SPATA17: variants seen among roughly 807,000 people sequenced by gnomAD.
SPATA17 encodes spermatogenesis associated 17.
SPATA17 carries 53 observed loss-of-function variants against 62.2 expected under a neutral mutation model. The ratio of observed to expected loss-of-function variants is 0.85; its 90% CI spans 0.68 to 1.07. SPATA17 has a LOEUF of 1.07. Among genes scored for constraint, SPATA17 ranks in the 50% least tolerant of loss-of-function variants. The pLI is 0.00. For missense variants in SPATA17, 466 were observed against 425.5 expected, an observed-to-expected ratio of 1.10 and a Z score of -0.84; for synonymous variants, 146 against 146.8, an observed-to-expected ratio of 0.99 and a Z score of 0.04.
intron 5 of SPATA17, among the ~76,000 whole-genome samples, chr1:217,687,418 T>C (rs1346949988): frequency 6.6e-6 from 1 of 152,168 alleles, no homozygotes; most frequent in Non-Finnish European, 1.5e-5. Flanking sequence ...TTATTTAGTT[T>C]TTCACCTTTT....
chr1:217,837,548 A>T (rs1449650836), intron 9 of SPATA17, among the ~76,000 whole-genome samples: 1 of 152,014 alleles, frequency 6.6e-6, no homozygotes, highest in Non-Finnish European at 1.5e-5. Context: ...TGAATTTTGC[A>T]CTCTGATGAA....
intron 1 of SPATA17, among the ~76,000 whole-genome samples, chr1:217,646,449 G>T (rs1670183289): frequency 6.6e-6 from 1 of 152,100 alleles, no homozygotes; most frequent in Non-Finnish European, 1.5e-5. Flanking sequence ...TAGGGAGATT[G>T]GTGCTACCTT....
intron 5 of SPATA17, among the ~76,000 whole-genome samples, chr1:217,698,435 C>G (rs534555187): frequency 6.6e-6 from 1 of 151,654 alleles, no homozygotes; most frequent in Admixed American, 6.6e-5. Context: ...CTCCATCCCC[C>G]TCCCACCAAA....
intron 3 of SPATA17, among the ~76,000 whole-genome samples, chr1:217,666,006 C>A (rs1045049396): frequency 1.3e-5 from 2 of 152,168 alleles, no homozygotes; most frequent in African/African-American, 2.4e-5. Flanking sequence ...CTTTTCTGTT[C>A]TTTTCCCCTC....
At position 217,649,444 on chromosome 1, in the gene SPATA17, G is replaced by A. The variant is rs763900751; in HGVS notation, c.158+473G>A. On this transcript the variant is annotated intron_variant, in intron 2 of 10. Transcript: ENST00000366933. ...CAGTGAGCTGAGAAGGTGCCACTGC[G>A]TTCCAGCCTGGGCAACAGAGTGAGA... Among the ~76,000 whole-genome samples the A allele has an allele frequency of 5.9e-5, 9 of 152,192 alleles. No individual in the cohort carries two copies. In the East Asian group the frequency reaches 9.7e-4, roughly 16 times the overall value.
chr1:217,777,239 T>G (rs1338881350), intron 7 of SPATA17, among the ~76,000 whole-genome samples: 1 of 152,180 alleles, frequency 6.6e-6, no homozygotes, highest in Non-Finnish European at 1.5e-5. Flanking sequence ...TTTTTTTTAC[T>G]CTCTCAAAAC....
chr1:217,743,512 CTG>C (rs1490727912), intron 6 of SPATA17, among the ~76,000 whole-genome samples: 2 of 151,968 alleles, frequency 1.3e-5, no homozygotes, highest in East Asian at 3.9e-4. Flanking sequence ...TCTTTATACT[CTG>C]AATCTTTCTT....
intron 3 of SPATA17, among the ~76,000 whole-genome samples, chr1:217,660,255 C>T (rs1341617767): frequency 6.6e-6 from 1 of 152,136 alleles, no homozygotes; most frequent in Non-Finnish European, 1.5e-5. Context: ...ATTTTGTCTT[C>T]TTAAATGCTT....
intron 9 of SPATA17, among the ~76,000 whole-genome samples, chr1:217,817,521 T>A (rs754827625): frequency 5.3e-5 from 8 of 152,054 alleles, no homozygotes; most frequent in Non-Finnish European, 1.0e-4. Context: ...CCTCTTTCCT[T>A]TATAATTTAC....
chr1:217,674,647 C>G (rs1670906641), intron 4 of SPATA17, among the ~76,000 whole-genome samples: 1 of 152,226 alleles, frequency 6.6e-6, no homozygotes, highest in South Asian at 2.1e-4. Flanking sequence ...AGCCCCGAAG[C>G]CCCAGAAGGG....
Position 217,631,423 on chromosome 1 carries a change from A to G in SPATA17, c.45A>G (p.Gly15=). ...ARLQARSSTV[G]NQYYFRNSVV... ...TGCAAGCTAGGTCGTCGACTGTAGG[A>G]AATCAGTACTACTTTAGGAACAGGT... is the stretch of plus-strand genomic sequence containing the variant. The change falls in exon 1 of 11, where the codon GGA becomes GGG. Residue 15 remains glycine (G), a synonymous_variant. Coordinates refer to ENST00000366933, the MANE Select transcript of SPATA17 (RefSeq NM_138796.4). 6.2e-7 allele frequency: 1 copy of G among 1,614,144 alleles called. No homozygotes were observed.
chr1:217,752,100 G>A (rs751953848), intron 6 of SPATA17, among the ~76,000 whole-genome samples: 1 of 152,112 alleles, frequency 6.6e-6, no homozygotes, highest in African/African-American at 2.4e-5. Flanking sequence ...GTGCAGTGGC[G>A]TGATCATAGC....
At chr1:217,808,399 A>G (rs1674498177) in intron 9 of SPATA17, among the ~76,000 whole-genome samples, 2 of 151,980 alleles carry the variant, frequency 1.3e-5, no homozygotes, top group South Asian at 4.1e-4. Flanking sequence ...CAGAATTTAT[A>G]CAGAATGAAG....
rs202215641 is a variant in SPATA17, at chr1:217,697,679, CT to C, written c.395+14325del. 6.5e-3 allele frequency among the ~76,000 whole-genome samples: 981 copies of C among 151,766 alleles called. 14 individuals are homozygous for C. The highest frequency in any genetic ancestry group is 0.023 in the African/African-American group (935 of 41,442). On this transcript the variant is annotated intron_variant, in intron 5 of 10. Coordinates refer to ENST00000366933, the MANE Select transcript of SPATA17 (RefSeq NM_138796.4). ...GTTAAGATTTTTAGATTTTCTATAA[CT>C]TTTTTTAAAAAAACAGAAAACATTT...
At chr1:217,842,293 G>A (rs1270626365) in intron 9 of SPATA17, among the ~76,000 whole-genome samples, 1 of 151,938 alleles carries the variant, frequency 6.6e-6, no homozygotes, top group Non-Finnish European at 1.5e-5. Flanking sequence ...TCCTTGTCAA[G>A]TTTTAGTATC....
intron 9 of SPATA17, among the ~76,000 whole-genome samples, chr1:217,808,369 ACACACACACACACC>A (rs1388161263): frequency 1.1e-4 from 11 of 96,228 alleles, no homozygotes; most frequent in Admixed American, 7.3e-4. Flanking sequence ...ACACACACAC[ACACACACACACACC>A]CCCCTCAGAA....
At chr1:217,761,624 G>A (rs114146312) in intron 6 of SPATA17, among the ~76,000 whole-genome samples, 1,656 of 152,226 alleles carry the variant, frequency 0.011, 22 homozygotes, top group African/African-American at 0.038. Context: ...GGAGGTAGAG[G>A]GTGGACTAGG....
chr1:217,721,396 C>T (rs188081150), intron 5 of SPATA17, among the ~76,000 whole-genome samples: 53 of 152,214 alleles, frequency 3.5e-4, no homozygotes, highest in Non-Finnish European at 6.9e-4. Context: ...TGTCATTGAT[C>T]ATTCTTGTCC....
At chr1:217,676,714 A>G (rs1341825674) in intron 4 of SPATA17, among the ~76,000 whole-genome samples, 2 of 152,162 alleles carry the variant, frequency 1.3e-5, no homozygotes, top group African/African-American at 4.8e-5. Context: ...TGTCTGCCCT[A>G]GAACAACTGG....
Sources: gnomAD v4.1 joint callset for allele counts (sites outside exome capture counted in the v4.1 genomes callset) on GRCh38, gnomAD v4.1.1 for gene constraint, MANE v1.5 for transcripts, NCBI Gene and HGNC (gene_info 2026-07-23, HGNC 2026-07-21) for gene names.